Variants in PHF20 observed in about 807,000 individuals in gnomAD.
PHF20 encodes glioma-expressed antigen 2.
PHF20 carries 23 observed loss-of-function variants against 113.5 expected under a neutral mutation model. That is an observed-to-expected ratio of 0.20 (90% CI 0.15 to 0.29). The LOEUF (loss-of-function observed/expected upper bound fraction) is 0.29. Ranked by LOEUF, PHF20 falls within the 10% of genes least tolerant of loss-of-function variation. The pLI, the probability that PHF20 is intolerant of heterozygous loss-of-function variation, is 1.00. For missense variants in PHF20, 943 were observed against 1,219.6 expected (o/e 0.77, Z 3.38); for synonymous variants, 434 against 457.3 (o/e 0.95, Z 0.65).
chr20:35,889,009 C>CTTTTTTTTTT (rs566960589), intron 9 of PHF20, among the ~76,000 whole-genome samples: 75 of 99,168 alleles, frequency 7.6e-4, no homozygotes, highest in Non-Finnish European at 1.2e-3. Flanking sequence ...CTCTTAGTTT[C>CTTTTTTTTTT]TTTTTTTTTT....
Position 35,895,022 on chromosome 20 carries a change from TTTC to T in PHF20, c.1283-4339_1283-4337del, listed in dbSNP as rs1378056204. Reference sequence around the variant, plus strand: ...AGGCGCGCACCATGCCCAGCTAATTTTTCTTCTTCTTTTTTTTTTGAGACAAAG... The same window carrying T: ...AGGCGCGCACCATGCCCAGCTAATTTTTCTTCTTTTTTTTTTGAGACAAAG... On this transcript the variant is annotated intron_variant, in intron 9 of 17. Coordinates refer to ENST00000374012, the MANE Select transcript of PHF20 (RefSeq NM_016436.5). Among the ~76,000 whole-genome samples the T allele has an allele frequency of 4.6e-5, 7 of 152,070 alleles. No homozygotes were observed. In the East Asian group the frequency reaches 5.8e-4, roughly 13 times the overall value.
intron 10 of PHF20, among the ~76,000 whole-genome samples, chr20:35,907,109 C>T (rs11907893): frequency 0.027 from 4,129 of 152,254 alleles, 168 homozygotes; most frequent in African/African-American, 0.088. Context: ...GTCCCAGCCT[C>T]GTGGCTGAGC....
At chr20:35,923,452 A>G (rs1317608211) in intron 13 of PHF20, among the ~76,000 whole-genome samples, 1 of 152,226 alleles carries the variant, frequency 6.6e-6, no homozygotes, top group East Asian at 1.9e-4. Flanking sequence ...AATTAAATAA[A>G]AATTAAGTAA....
intron 10 of PHF20, among the ~76,000 whole-genome samples, chr20:35,900,197 G>A (rs2055068405): frequency 6.6e-6 from 1 of 152,116 alleles, no homozygotes; most frequent in Non-Finnish European, 1.5e-5. Flanking sequence ...GAACCTTTTA[G>A]GAAATATCTT....
In PHF20 at chr20:35,912,644, C is replaced by T. The variant is rs948235028; in HGVS notation, c.1562-605C>T. 7.2e-5 allele frequency among the ~76,000 whole-genome samples: 11 copies of T among 151,948 alleles called. No individual in the cohort carries two copies. In the East Asian group the frequency reaches 1.9e-3, roughly 27 times the overall value. ...GTCAGGAGTTCAAGACCAGCCTGGCCGAAATAGTGAAACCCCATCTCTACT... is the reference window on the plus strand; with the variant it reads ...GTCAGGAGTTCAAGACCAGCCTGGCTGAAATAGTGAAACCCCATCTCTACT... On this transcript the variant is annotated intron_variant, in intron 10 of 17. Coordinates refer to ENST00000374012, the MANE Select transcript of PHF20 (RefSeq NM_016436.5).
chr20:35,814,891 TA>T (rs776672199), intron 2 of PHF20, among the ~76,000 whole-genome samples: 7,712 of 112,988 alleles, frequency 0.068, 315 homozygotes, highest in African/African-American at 0.13. Flanking sequence ...AAAAAAAAAA[TA>T]AAATAAATAA....
intron 1 of PHF20, among the ~76,000 whole-genome samples, chr20:35,773,256 A>G (rs1161574860): frequency 6.6e-6 from 1 of 152,074 alleles, no homozygotes; most frequent in East Asian, 1.9e-4. Flanking sequence ...TCTCATTTCC[A>G]GGTGGCGAGT....
At chr20:35,869,414 T>C in intron 6 of PHF20, 24 bp from the exon 7 acceptor site, 1 of 1,192,010 alleles carries the variant, frequency 8.4e-7, no homozygotes, top group Non-Finnish European at 1.2e-6. Context: ...TATCTTTTTT[T>C]GTGTGGTTTT....
In PHF20 at chr20:35,891,840, T is replaced by C. The variant is rs113139119; in HGVS notation, c.1283-7530T>C. On this transcript the variant is annotated intron_variant, in intron 9 of 17. Coordinates refer to ENST00000374012, the MANE Select transcript of PHF20 (RefSeq NM_016436.5). ...AAGTCTTGGTGTTTATGTGTCTTTT[T>C]TGTTATTCTATTTTTTATATATTAT... Among the ~76,000 whole-genome samples, 17 of 152,172 alleles carry C rather than the reference T, an allele frequency of 1.1e-4. 1 individual carries two copies. The highest frequency in any genetic ancestry group is 3.8e-4 in the African/African-American group (16 of 41,566).
At chr20:35,787,760 C>T (rs374569542) in intron 1 of PHF20, among the ~76,000 whole-genome samples, 6 of 149,816 alleles carry the variant, frequency 4.0e-5, no homozygotes, top group African/African-American at 7.4e-5. Context: ...CATGAGCCAC[C>T]GCGCCCAGCC....
chr20:35,893,486 T>C (rs1295246647), intron 9 of PHF20, among the ~76,000 whole-genome samples: 1 of 152,036 alleles, frequency 6.6e-6, no homozygotes, highest in African/African-American at 2.4e-5. Flanking sequence ...GTATTTTTAG[T>C]AGAGACGGGG....
chr20:35,935,783 A>G (rs1333422897), intron 15 of PHF20, among the ~76,000 whole-genome samples: 1 of 152,222 alleles, frequency 6.6e-6, no homozygotes, highest in Non-Finnish European at 1.5e-5. Context: ...AGATCTTGGT[A>G]CTTCTTACAA....
intron 6 of PHF20, among the ~76,000 whole-genome samples, chr20:35,865,497 G>GTTTTTTTTTTTTTTTT (rs201623482): frequency 3.1e-5 from 3 of 96,608 alleles, no homozygotes; most frequent in African/African-American, 4.4e-5. Flanking sequence ...TTTAAGTTGT[G>GTTTTTTTTTTTTTTTT]TTTTTTTTTT....
At chr20:35,809,460 T>A (rs2041939666) in intron 2 of PHF20, among the ~76,000 whole-genome samples, 1 of 151,652 alleles carries the variant, frequency 6.6e-6, no homozygotes, top group Admixed American at 6.6e-5. Flanking sequence ...GCGCCTGTAG[T>A]CCAAGCTACT....
chr20:35,817,415 G>A (rs760300714), intron 2 of PHF20, among the ~76,000 whole-genome samples: 6 of 151,020 alleles, frequency 4.0e-5, no homozygotes, highest in Non-Finnish European at 8.9e-5. Context: ...TTGATCTCCC[G>A]ACCTCAGGTG....
chr20:35,841,444 T>C (rs1227200584), intron 2 of PHF20, among the ~76,000 whole-genome samples: 6 of 152,084 alleles, frequency 3.9e-5, no homozygotes, highest in Admixed American at 3.3e-4. Flanking sequence ...TTCCATATCT[T>C]GACAGATAAA....
chr20:35,859,409 A>G (rs2054175532), intron 5 of PHF20, among the ~76,000 whole-genome samples: 1 of 152,202 alleles, frequency 6.6e-6, no homozygotes, highest in African/African-American at 2.4e-5. Context: ...TACTAATTTC[A>G]GCTGTTGAGA....
chr20:35,878,453 C>T, intron 9 of PHF20: 2 of 541,306 alleles, frequency 3.7e-6, no homozygotes, highest in Non-Finnish European at 6.5e-6. Flanking sequence ...TAAGCAATCA[C>T]TATGTCGACA....
intron 1 of PHF20, among the ~76,000 whole-genome samples, chr20:35,773,382 C>T (rs1412479844): frequency 1.3e-5 from 2 of 152,158 alleles, no homozygotes; most frequent in Admixed American, 6.5e-5. Context: ...AGGTGCTTTC[C>T]CCAGTCTGGT....
Sources: gnomAD v4.1 joint callset for allele counts (sites outside exome capture counted in the v4.1 genomes callset) on GRCh38, gnomAD v4.1.1 for gene constraint, MANE v1.5 for transcripts, NCBI Gene and HGNC (gene_info 2026-07-23, HGNC 2026-07-21) for gene names.